POTEB3: variants seen among roughly 807,000 people sequenced by gnomAD.
POTEB3 encodes the protein ANKRD26-like family B member 1.
Under a neutral mutation model 39.8 loss-of-function variants are expected in POTEB3, and 5 were observed. The ratio of observed to expected loss-of-function variants is 0.13; its 90% confidence interval spans 0.07 to 0.26. The LOEUF is 0.26. Among genes scored for constraint, POTEB3 ranks in the 10% least tolerant of loss-of-function variants. POTEB3 has a pLI of 1.00. For synonymous variants in POTEB3, 5 were observed against 161.5 expected, an observed-to-expected ratio of 0.03 and a Z score of 7.35; for missense variants, 24 against 475.6, an observed-to-expected ratio of 0.05 and a Z score of 8.83.
chr15:21,413,833 T>C (rs1478250526), intron 9 of POTEB3, among the ~76,000 whole-genome samples: 1 of 62,014 alleles, frequency 1.6e-5, no homozygotes, highest in Non-Finnish European at 2.7e-5. Flanking sequence ...CTGGTCTTTC[T>C]CTCAACACCT....
chr15:21,410,053 C>T (rs1849794), intron 10 of POTEB3, among the ~76,000 whole-genome samples: 71 of 97,182 alleles, frequency 7.3e-4, no homozygotes, highest in African/African-American at 5.0e-3. Flanking sequence ...GATGCTACTG[C>T]TAGTGATCCT....
At chr15:21,418,035 A>C in intron 9 of POTEB3, among the ~76,000 whole-genome samples, 1 of 102,302 alleles carries the variant, frequency 9.8e-6, no homozygotes, top group East Asian at 2.4e-4. Context: ...TTCACTTTAC[A>C]GTCCATAGAG....
intron 5 of POTEB3, chr15:21,428,953 C>G (rs1898839536): frequency 1.4e-5 from 2 of 144,938 alleles, no homozygotes. Context: ...TGTATTGTTC[C>G]AATTTTAGGA....
intron 3 of POTEB3, among the ~76,000 whole-genome samples, chr15:21,433,896 G>T (rs1199623197): frequency 6.6e-6 from 1 of 151,216 alleles, no homozygotes; most frequent in Admixed American, 6.6e-5. Flanking sequence ...TTCCTCAGAG[G>T]CCTCCTAAAA....
intron 3 of POTEB3, among the ~76,000 whole-genome samples, chr15:21,433,896 G>A (rs1199623197): frequency 2.6e-5 from 4 of 151,324 alleles, no homozygotes; most frequent in Admixed American, 6.6e-5. Flanking sequence ...TTCCTCAGAG[G>A]CCTCCTAAAA....
intron 3 of POTEB3, among the ~76,000 whole-genome samples, chr15:21,433,239 C>A (rs1253928406): frequency 1.3e-4 from 19 of 151,114 alleles, no homozygotes; most frequent in Admixed American, 1.3e-3. Flanking sequence ...GGAGTGTATC[C>A]GGATTTTGAG....
intron 6 of POTEB3, among the ~76,000 whole-genome samples, chr15:21,422,503 C>G (rs1230675891): frequency 7.5e-6 from 1 of 132,716 alleles, no homozygotes; most frequent in Non-Finnish European, 1.6e-5. Context: ...AATAGTGAAG[C>G]AGTAAATGTA....
intron 7 of POTEB3, 99 bp downstream of exon 7, chr15:21,422,021 A>C (rs1898525529): frequency 7.8e-7 from 1 of 1,281,884 alleles, no homozygotes; most frequent in East Asian, 2.4e-5. Context: ...TTGATTCTTA[A>C]AACCTAGTCT....
At chr15:21,419,937 C>T (rs1331585835) in intron 8 of POTEB3, among the ~76,000 whole-genome samples, 2 of 122,530 alleles carry the variant, frequency 1.6e-5, no homozygotes, top group Non-Finnish European at 3.4e-5. Context: ...AAAAACTCTT[C>T]AGAATCTTAT....
chr15:21,417,840 C>T lies in POTEB3; in HGVS notation c.1409+1624G>A, dbSNP rs1356439296. Among the ~76,000 whole-genome samples, 3 of 107,106 alleles carry T rather than the reference C, an allele frequency of 2.8e-5. 1 individual carries two copies. Among genetic ancestry groups the T allele is most frequent in the Non-Finnish European group, 5.4e-5 (3 of 55,542 alleles). The allele number at this position is 107,106 out of a possible 152,430, so 70.3% of individuals were successfully genotyped here. ...TGGAAAAATATGGTGAGGTGAATAC[C>T]AAAATATATCCTTTTCTCAAAGGAA... On this transcript the variant is annotated intron_variant, in intron 9 of 10. Transcript: ENST00000611217.
Position 21,407,546 on chromosome 15 carries a change from T to C in POTEB3, c.*1437A>G, listed in dbSNP as rs2626174. On this transcript the variant is annotated 3_prime_UTR_variant, in exon 11 of 11. Coordinates refer to ENST00000611217, the MANE Select transcript of POTEB3 (RefSeq NM_207355.5). ...AGCTCTCCACTGATCAGCCACGGTCTGCTTGTACAGAAGCTATGGTGTGGG... is the reference window on the plus strand; with the variant it reads ...AGCTCTCCACTGATCAGCCACGGTCCGCTTGTACAGAAGCTATGGTGTGGG... Among the ~76,000 whole-genome samples the C allele has an allele frequency of 0.13, 7,403 of 56,426 alleles. 631 individuals are homozygous for C. Among genetic ancestry groups the C allele is most frequent in the East Asian group, 0.17 (346 of 2,040 alleles). 37.0% of individuals were successfully genotyped at this position (56,426 alleles called of 152,430 possible).
At chr15:21,425,622 T>TC (rs1395422363) in intron 6 of POTEB3, among the ~76,000 whole-genome samples, 1 of 138,276 alleles carries the variant, frequency 7.2e-6, no homozygotes, top group African/African-American at 2.8e-5. Context: ...GTATTTGCCA[T>TC]CCCATTGCCT....
In POTEB3 at chr15:21,412,001, T is replaced by TA. The variant is rs1260115271; in HGVS notation, c.1410-1001dup. Among the ~76,000 whole-genome samples, 22 of 36,594 alleles carry TA rather than the reference T, an allele frequency of 6.0e-4. 1 individual carries two copies. The highest frequency in any genetic ancestry group is 8.3e-4 in the Non-Finnish European group (19 of 22,886). 24.0% of individuals were successfully genotyped at this position (36,594 alleles called of 152,430 possible). On this transcript the variant is annotated intron_variant, in intron 9 of 10. Coordinates refer to ENST00000611217, the MANE Select transcript of POTEB3 (RefSeq NM_207355.5). ...TCTCTCTTCACCAATGATATGATCT[T>TA]ATGCCTAGAAAACCCTACAGACTCC...
Position 21,424,805 on chromosome 15 carries a change from T to C in POTEB3, c.1127-2615A>G, listed in dbSNP as rs1404990785. On this transcript the variant is annotated intron_variant, in intron 6 of 10. Coordinates refer to ENST00000611217, the MANE Select transcript of POTEB3 (RefSeq NM_207355.5). ...GACATTTCTCTCTGTCCTCCAAACCTTTCTCATTCAATTATCACTAAATCA... is the reference window on the plus strand; with the variant it reads ...GACATTTCTCTCTGTCCTCCAAACCCTTCTCATTCAATTATCACTAAATCA... 7.8e-4 allele frequency among the ~76,000 whole-genome samples: 118 copies of C among 150,888 alleles called. 1 individual carries two copies. The highest frequency in any genetic ancestry group is 3.4e-3 in the Middle Eastern group (1 of 290).
At chr15:21,422,294 TA>T in intron 6 of POTEB3, 104 bp from the exon 7 acceptor site, 1 of 1,443,106 alleles carries the variant, frequency 6.9e-7, no homozygotes, top group South Asian at 1.3e-5. Flanking sequence ...TTTTATTTCA[TA>T]AACTGAGTGT....
chr15:21,422,741 A>T lies in POTEB3; in HGVS notation c.1127-551T>A, dbSNP rs1295873547. Among the ~76,000 whole-genome samples, 5 of 151,418 alleles carry T rather than the reference A, an allele frequency of 3.3e-5. No individual in the cohort carries two copies. The East Asian group carries it at 7.8e-4, about 24-fold the overall frequency. ...TATTCATAGCTATTTTTACAAATGC[A>T]TATATTTTGCAAATTCTTGTTTTCC... On this transcript the variant is annotated intron_variant, in intron 6 of 10. Coordinates refer to ENST00000611217, the MANE Select transcript of POTEB3 (RefSeq NM_207355.5).
rs1898983229 is a variant in POTEB3, at chr15:21,431,781, A to AAT, written c.874_875insAT (p.Ile292AsnfsTer8). On this transcript the variant is annotated frameshift_variant, in exon 4 of 11. Coordinates refer to ENST00000611217, the MANE Select transcript of POTEB3 (RefSeq NM_207355.5). LOFTEE classifies it high-confidence loss of function. ...TGCATTTAAATTAGCTTTTTTCTTG[A>AAT]TTAAAAATTTCACCACTTGCTGTTT... is the stretch of plus-strand genomic sequence containing the variant. 1 of 1,581,560 alleles carries AAT rather than the reference A, an allele frequency of 6.3e-7. No individual in the cohort carries two copies. Among genetic ancestry groups the AAT allele is most frequent in the African/African-American group, 1.4e-5 (1 of 72,880 alleles).
intron 5 of POTEB3, among the ~76,000 whole-genome samples, chr15:21,429,334 C>T (rs1475962316): frequency 6.6e-6 from 1 of 151,184 alleles, no homozygotes; most frequent in East Asian, 1.9e-4. Flanking sequence ...AAACACTGAT[C>T]TCTTTCTGCC....
chr15:21,410,867 A>G lies in POTEB3; in HGVS notation c.1533+11T>C, dbSNP rs1898308800. ...CATATGAAAACATTTGATAATGACT[A>G]AAGAAAATACCTTAGAATTCATTTC... is the stretch of plus-strand genomic sequence containing the variant. On this transcript the variant is annotated intron_variant, in intron 10 of 10. Coordinates refer to ENST00000611217, the MANE Select transcript of POTEB3 (RefSeq NM_207355.5). 9.2e-7 allele frequency: 1 copy of G among 1,089,586 alleles called. No homozygotes were observed. The highest frequency in any genetic ancestry group is 1.2e-6 in the Non-Finnish European group (1 of 821,086). 67.5% of individuals were successfully genotyped at this position (1,089,586 alleles called of 1,614,324 possible). A position where few individuals can be genotyped will look rare whatever the true frequency, so the allele number is the denominator to read the frequency against.
Sources: gnomAD v4.1 joint callset for allele counts (sites outside exome capture counted in the v4.1 genomes callset) on GRCh38, gnomAD v4.1.1 for gene constraint, MANE v1.5 for transcripts, NCBI Gene and HGNC (gene_info 2026-07-23, HGNC 2026-07-21) for gene names.